RGPD2: variants seen among roughly 807,000 people sequenced by gnomAD.
RGPD2 encodes the protein RANBP2 like and GRIP domain containing 2.
RGPD2 carries 2 observed loss-of-function variants against 36.0 expected under a neutral mutation model. The ratio of observed to expected loss-of-function variants is 0.06; its 90% CI spans 0.02 to 0.17. RGPD2 has a LOEUF of 0.17. RGPD2 is among the 10% of genes least tolerant of loss of function. RGPD2 has a pLI of 1.00. For synonymous variants in RGPD2, 19 were observed against 163.8 expected (o/e 0.12, Z 6.75); for missense variants, 40 against 464.3 (o/e 0.09, Z 8.40).
At chr2:87,886,268 G>A in the RGPD2 span, among the ~76,000 whole-genome samples, 22 of 151,674 alleles carry the variant, frequency 1.5e-4, no homozygotes, top group Non-Finnish European at 2.8e-4. Context: ...CCAGATTCTC[G>A]TCTTTACTTA....
the RGPD2 span, among the ~76,000 whole-genome samples, chr2:87,864,128 T>C: frequency 6.6e-6 from 1 of 152,118 alleles, no homozygotes; most frequent in African/African-American, 2.4e-5. Context: ...TGTGGGTGTT[T>C]CCATGAGGAT....
chr2:87,858,122 T>C, the RGPD2 span, among the ~76,000 whole-genome samples: 1 of 152,310 alleles, frequency 6.6e-6, no homozygotes, highest in South Asian at 2.1e-4. Flanking sequence ...GATTGAGTCA[T>C]ACGTACTCAG....
At chr2:87,760,762 C>T (rs1218102062) in intron 22 of RGPD2, among the ~76,000 whole-genome samples, 1 of 36,298 alleles carries the variant, frequency 2.8e-5, no homozygotes, top group Admixed American at 3.5e-4. Flanking sequence ...GGACTACAGG[C>T]GCCTGCCACC....
At chr2:87,870,336 T>C in the RGPD2 span, among the ~76,000 whole-genome samples, 2 of 152,394 alleles carry the variant, frequency 1.3e-5, no homozygotes, top group East Asian at 3.9e-4. Flanking sequence ...TTCACAGCCT[T>C]GTCTAACTCT....
At chr2:87,852,928 T>C in the RGPD2 span, among the ~76,000 whole-genome samples, 2 of 152,146 alleles carry the variant, frequency 1.3e-5, no homozygotes, top group Non-Finnish European at 2.9e-5. Context: ...GATTCCCTCA[T>C]CTAGAATATC....
the RGPD2 span, among the ~76,000 whole-genome samples, chr2:87,882,195 T>C: frequency 1.3e-5 from 2 of 152,262 alleles, no homozygotes; most frequent in East Asian, 1.9e-4. Flanking sequence ...CACACAGTTT[T>C]TTTTTTTCTG....
chr2:87,885,509 G>C, the RGPD2 span, among the ~76,000 whole-genome samples: 59 of 151,412 alleles, frequency 3.9e-4, no homozygotes, highest in Non-Finnish European at 5.2e-4. Flanking sequence ...AGAGCAATTA[G>C]GCAAGAGAGA....
the RGPD2 span, among the ~76,000 whole-genome samples, chr2:87,923,463 A>C: frequency 1.3e-5 from 2 of 152,238 alleles, no homozygotes; most frequent in Non-Finnish European, 2.9e-5. Context: ...TGATAGTTAC[A>C]TAACTTGAAA....
upstream of RGPD2, among the ~76,000 whole-genome samples, chr2:87,826,958 C>T (rs1686826264): frequency 2.3e-5 from 3 of 132,548 alleles, no homozygotes; most frequent in East Asian, 6.6e-4. Context: ...AATACCCATG[C>T]ACCAAGAATC....
the RGPD2 span, among the ~76,000 whole-genome samples, chr2:87,853,707 C>A: frequency 6.6e-6 from 1 of 150,864 alleles, no homozygotes; most frequent in Non-Finnish European, 1.5e-5. Context: ...ACTTGAGTAG[C>A]CTAATTATAT....
chr2:87,964,400 T>C, the RGPD2 span, among the ~76,000 whole-genome samples: 1 of 151,878 alleles, frequency 6.6e-6, no homozygotes, highest in Non-Finnish European at 1.5e-5. Flanking sequence ...TGTATACCTT[T>C]ACTAGGTACA....
the RGPD2 span, among the ~76,000 whole-genome samples, chr2:87,906,674 T>C: frequency 6.7e-6 from 1 of 150,030 alleles, no homozygotes; most frequent in Non-Finnish European, 1.5e-5. Flanking sequence ...TTGATTATTT[T>C]TAATGAATGC....
the RGPD2 span, among the ~76,000 whole-genome samples, chr2:87,854,996 CCGTGTGTGTGTGTGTG>C: frequency 6.6e-6 from 1 of 151,786 alleles, no homozygotes; most frequent in Non-Finnish European, 1.5e-5. Flanking sequence ...GGTATGCTGT[CCGTGTGTGTGTGTGTG>C]CGTGTGTGTG....
At chr2:87,883,383 G>A in the RGPD2 span, among the ~76,000 whole-genome samples, 3 of 151,736 alleles carry the variant, frequency 2.0e-5, no homozygotes. Flanking sequence ...AAGCAAAAAA[G>A]CTAGACAGAA....
At chr2:87,906,747 A>AT in the RGPD2 span, among the ~76,000 whole-genome samples, 2 of 150,738 alleles carry the variant, frequency 1.3e-5, no homozygotes, top group African/African-American at 4.9e-5. Context: ...TTGTGCCTTG[A>AT]TTTTTTAAAA....
the RGPD2 span, among the ~76,000 whole-genome samples, chr2:87,985,246 T>C: frequency 2.0e-5 from 3 of 151,218 alleles, no homozygotes; most frequent in East Asian, 1.9e-4. Flanking sequence ...AGTACTCGGC[T>C]AAAGTACTTT....
chr2:87,845,521 A>G, the RGPD2 span, among the ~76,000 whole-genome samples: 2 of 149,632 alleles, frequency 1.3e-5, no homozygotes, highest in African/African-American at 4.9e-5. Flanking sequence ...TTTATACACA[A>G]ATGAGTTTGA....
the RGPD2 span, among the ~76,000 whole-genome samples, chr2:87,914,120 T>C: frequency 1.3e-5 from 2 of 150,118 alleles, no homozygotes; most frequent in Non-Finnish European, 3.0e-5. Flanking sequence ...AGTCAGAAGA[T>C]CTGCAGTTGT....
the RGPD2 span, among the ~76,000 whole-genome samples, chr2:87,835,850 G>A: frequency 1.0e-5 from 1 of 99,280 alleles, no homozygotes; most frequent in Non-Finnish European, 2.0e-5. Context: ...TCTGGGTTTG[G>A]AGGGAGAGAC....
Sources: gnomAD v4.1 joint callset for allele counts (sites outside exome capture counted in the v4.1 genomes callset) on GRCh38, gnomAD v4.1.1 for gene constraint, MANE v1.5 for transcripts, NCBI Gene and HGNC (gene_info 2026-07-23, HGNC 2026-07-21) for gene names.